OPCML: variants seen among roughly 807,000 people sequenced by gnomAD.
The protein encoded by OPCML is opioid binding protein/cell adhesion molecule like, also known as opioid-binding protein/cell adhesion molecule.
Under a neutral mutation model 37.8 loss-of-function variants are expected in OPCML, and 13 were observed. The ratio of observed to expected loss-of-function variants is 0.34; its 90% CI spans 0.22 to 0.55. OPCML has a LOEUF of 0.55. Among genes scored for constraint, OPCML ranks in the 20% least tolerant of loss-of-function variants. The pLI, the probability that OPCML is intolerant of heterozygous loss-of-function variation, is 0.91. For missense variants in OPCML, 341 were observed against 435.6 expected, an observed-to-expected ratio of 0.78 and a Z score of 1.93; for synonymous variants, 176 against 168.8, an observed-to-expected ratio of 1.04 and a Z score of -0.33.
At chr11:132,879,305 G>A (rs931497702) in intron 2 of OPCML, among the ~76,000 whole-genome samples, 3 of 152,176 alleles carry the variant, frequency 2.0e-5, no homozygotes, top group African/African-American at 4.8e-5. Flanking sequence ...AGCCCTGGGT[G>A]AGCTGAAAGA....
At chr11:132,440,327 C>A (rs1292782892) in intron 4 of OPCML, among the ~76,000 whole-genome samples, 1 of 151,248 alleles carries the variant, frequency 6.6e-6, no homozygotes, top group Non-Finnish European at 1.5e-5. Context: ...CATATAAATT[C>A]TTTAGAGTTT....
intron 2 of OPCML, among the ~76,000 whole-genome samples, chr11:132,701,689 T>C (rs1943823426): frequency 6.6e-6 from 1 of 152,096 alleles, no homozygotes. Flanking sequence ...TGTCATTTTG[T>C]TGTTTTCCAA....
At chr11:132,531,869 T>G (rs7106382) in intron 3 of OPCML, among the ~76,000 whole-genome samples, 4 of 151,932 alleles carry the variant, frequency 2.6e-5, no homozygotes. Context: ...TTCCAAAATA[T>G]TCTCAGAATA....
intron 2 of OPCML, among the ~76,000 whole-genome samples, chr11:132,941,023 A>G (rs1474860606): frequency 6.6e-6 from 1 of 152,208 alleles, no homozygotes; most frequent in African/African-American, 2.4e-5. Context: ...ACTTAAAAAA[A>G]AAAAATTACG....
At chr11:132,765,676 G>T (rs1236533019) in intron 2 of OPCML, among the ~76,000 whole-genome samples, 1 of 152,180 alleles carries the variant, frequency 6.6e-6, no homozygotes, top group Non-Finnish European at 1.5e-5. Flanking sequence ...AGGAATATGA[G>T]TGTGATGGTG....
chr11:132,860,268 T>A (rs1477936921), intron 2 of OPCML, among the ~76,000 whole-genome samples: 1 of 152,200 alleles, frequency 6.6e-6, no homozygotes, highest in Non-Finnish European at 1.5e-5. Flanking sequence ...GCCACACACT[T>A]CTCATGTTCC....
intron 2 of OPCML, among the ~76,000 whole-genome samples, chr11:132,874,815 C>A (rs1436677108): frequency 6.6e-6 from 1 of 152,076 alleles, no homozygotes; most frequent in Non-Finnish European, 1.5e-5. Context: ...GCAAGAAATC[C>A]AAGACTGCTC....
chr11:133,333,781 A>C (rs1383486927), intron 1 of OPCML, among the ~76,000 whole-genome samples: 1 of 152,224 alleles, frequency 6.6e-6, no homozygotes, highest in Admixed American at 6.5e-5. Flanking sequence ...AAGGAACTTA[A>C]ACAAATTTAC....
intron 1 of OPCML, among the ~76,000 whole-genome samples, chr11:133,358,402 C>A (rs1944339233): frequency 6.6e-6 from 1 of 152,192 alleles, no homozygotes; most frequent in Non-Finnish European, 1.5e-5. Context: ...ATGATCTTCA[C>A]CCCAACTATT....
Position 133,051,463 on chromosome 11 carries a change from C to T in OPCML, c.62-108453G>A, listed in dbSNP as rs180707041. 7.9e-5 allele frequency among the ~76,000 whole-genome samples: 12 copies of T among 152,256 alleles called. No homozygotes were observed. The East Asian group carries it at 2.3e-3, about 29-fold the overall frequency. On this transcript the variant is annotated intron_variant, in intron 1 of 7. Transcript: ENST00000524381. ...AAAGCACCCCTTCCTGTTCAGGGTA[C>T]TCACTACACTATGCTTCTCTTCTGC...
intron 1 of OPCML, among the ~76,000 whole-genome samples, chr11:133,034,118 AAAGAGG>A (rs1947724133): frequency 6.6e-6 from 1 of 152,152 alleles, no homozygotes; most frequent in Admixed American, 6.5e-5. Context: ...ATATTTTGAG[AAAGAGG>A]CTGAGGGGAT....
At chr11:133,501,255 T>C (rs1177430822) in intron 1 of OPCML, among the ~76,000 whole-genome samples, 1 of 152,172 alleles carries the variant, frequency 6.6e-6, no homozygotes, top group South Asian at 2.1e-4. Flanking sequence ...CCTCCAGGGA[T>C]GACGTTCCCC....
intron 1 of OPCML, among the ~76,000 whole-genome samples, chr11:133,480,017 A>G (rs1363922125): frequency 6.6e-6 from 1 of 152,242 alleles, no homozygotes; most frequent in Non-Finnish European, 1.5e-5. Context: ...TAAAAGGGGC[A>G]GTGCCTAACT....
At chr11:133,289,591 T>A in intron 1 of OPCML, among the ~76,000 whole-genome samples, 2 of 104,662 alleles carry the variant, frequency 1.9e-5, no homozygotes, top group Non-Finnish European at 1.8e-5. Flanking sequence ...CGAGACTCCA[T>A]CTCAAAAAAA....
intron 1 of OPCML, among the ~76,000 whole-genome samples, chr11:133,083,833 G>T (rs1204766107): frequency 6.6e-6 from 1 of 152,192 alleles, no homozygotes; most frequent in Non-Finnish European, 1.5e-5. Context: ...GGAAGGTTGC[G>T]GAATGACGGG....
chr11:132,581,779 T>G (rs1199617523), intron 3 of OPCML, among the ~76,000 whole-genome samples: 2 of 152,060 alleles, frequency 1.3e-5, no homozygotes, highest in Non-Finnish European at 2.9e-5. Context: ...CTGGGCTGCT[T>G]CTGCTTGACT....
chr11:132,607,145 T>C (rs1226050333), intron 3 of OPCML, among the ~76,000 whole-genome samples: 2 of 152,230 alleles, frequency 1.3e-5, no homozygotes, highest in Non-Finnish European at 2.9e-5. Context: ...TGACAGGGCT[T>C]GGACTAATTA....
At chr11:133,328,757 C>T (rs1356245425) in intron 1 of OPCML, among the ~76,000 whole-genome samples, 2 of 152,166 alleles carry the variant, frequency 1.3e-5, no homozygotes, top group Non-Finnish European at 2.9e-5. Context: ...GAAGCATTCC[C>T]TTTGAAAACT....
chr11:132,973,980 C>G (rs895944776), intron 1 of OPCML, among the ~76,000 whole-genome samples: 2 of 151,894 alleles, frequency 1.3e-5, no homozygotes, highest in Non-Finnish European at 2.9e-5. Context: ...CTAGCCTGCC[C>G]CTTACCAAGC....
Sources: gnomAD v4.1 joint callset for allele counts (sites outside exome capture counted in the v4.1 genomes callset) on GRCh38, gnomAD v4.1.1 for gene constraint, MANE v1.5 for transcripts, NCBI Gene and HGNC (gene_info 2026-07-23, HGNC 2026-07-21) for gene names.